The following SPG7 variants were observed in gnomAD, a reference collection of about 807,000 sequenced individuals.
SPG7 encodes the protein SPG7 matrix AAA peptidase subunit, paraplegin, also known as mitochondrial inner membrane m-AAA protease component paraplegin.
Under a neutral mutation model 81.9 loss-of-function variants are expected in SPG7, and 103 were observed. The ratio of observed to expected loss-of-function variants is 1.26; its 90% CI spans 1.07 to 1.48. The LOEUF is 1.48. Ranked by LOEUF, SPG7 falls within the 40% of genes most tolerant of loss-of-function variation. The probability of loss-of-function intolerance (pLI) is 0.00; values close to 1 mark genes in which losing one functional copy is unlikely to be tolerated. For missense variants in SPG7, 1,241 were observed against 1,087.3 expected, an observed-to-expected ratio of 1.14 and a Z score of -1.99; for synonymous variants, 534 against 444.2, an observed-to-expected ratio of 1.20 and a Z score of -2.54.
intron 9 of SPG7, chr16:89,543,304 T>C (rs997886193): frequency 1.3e-5 from 2 of 150,926 alleles, no homozygotes; most frequent in Admixed American, 6.6e-5. Flanking sequence ...AGGTAGGTCT[T>C]GTCGTATCTT....
At chr16:89,531,039 T>C in intron 7 of SPG7, 1 of 633,326 alleles carries the variant, frequency 1.6e-6, no homozygotes, top group East Asian at 2.8e-5. Context: ...CCATGCCTAC[T>C]GTGCCGTTAG....
intron 15 of SPG7, 114 bp downstream of exon 15, chr16:89,554,074 C>T: frequency 8.9e-7 from 1 of 1,128,900 alleles, no homozygotes; most frequent in Non-Finnish European, 1.3e-6. Context: ...CTGCAGGCCC[C>T]ACCTGGGTTT....
In SPG7 at chr16:89,510,526, G is replaced by A. The variant is rs114854791; in HGVS notation, c.220G>A (p.Gly74Arg). Residue 74 changes from glycine to arginine, a missense_variant, in exon 2 of 17, where the codon GGG becomes AGG. By Grantham distance (125) the Gly-to-Arg change is moderately radical. Coordinates refer to ENST00000645818, the MANE Select transcript of SPG7 (RefSeq NM_003119.4). ...QLRLLTPTFE[G>R]INGLLLKQHL... ...GAGACTGCTAACCCCTACCTTTGAAGGGATCAACGGATTGTTGTTGAAACA... is the reference window on the plus strand; with the variant it reads ...GAGACTGCTAACCCCTACCTTTGAAAGGATCAACGGATTGTTGTTGAAACA... The A allele has an allele frequency of 7.6e-5, 122 of 1,607,286 alleles. No homozygotes were observed. Among genetic ancestry groups the A allele is most frequent in the Admixed American group, 7.5e-4 (45 of 59,818 alleles).
intron 3 of SPG7, chr16:89,518,103 A>C (rs1405324863): frequency 6.6e-6 from 1 of 151,980 alleles, no homozygotes; most frequent in Non-Finnish European, 1.5e-5. Context: ...GTTTGTGTGG[A>C]TTTTCAGGAC....
intron 10 of SPG7, chr16:89,545,203 G>C: frequency 3.1e-6 from 1 of 322,008 alleles, no homozygotes; most frequent in African/African-American, 2.2e-5. Context: ...GACGTGGACT[G>C]TGCAGCTGCC....
intron 5 of SPG7, chr16:89,526,703 C>T: frequency 6.2e-6 from 3 of 481,188 alleles, no homozygotes; most frequent in East Asian, 4.3e-5. Flanking sequence ...ATACCAGCAC[C>T]TGAGGATGCC....
At chr16:89,527,479 C>A (rs1159457345) in intron 5 of SPG7, 2 of 152,188 alleles carry the variant, frequency 1.3e-5, no homozygotes, top group Non-Finnish European at 2.9e-5. Flanking sequence ...AGTAAGCGAT[C>A]ACTTTCAGTT....
At chr16:89,508,397 A>T, upstream of SPG7, 4 of 1,470,322 alleles carry the variant, frequency 2.7e-6, no homozygotes, top group Non-Finnish European at 3.6e-6. Context: ...CGGATCACGC[A>T]GGCGCGGCTT....
chr16:89,509,786 C>CTTTT (rs34140158), intron 1 of SPG7, among the ~76,000 whole-genome samples: 85 of 95,114 alleles, frequency 8.9e-4, no homozygotes, highest in Non-Finnish European at 1.1e-3. Flanking sequence ...TTGTTTTCTT[C>CTTTT]TTTTTTTTTT....
chr16:89,509,786 CT>C (rs34140158), intron 1 of SPG7, among the ~76,000 whole-genome samples: 30,108 of 95,410 alleles, frequency 0.32, 3,337 homozygotes, highest in East Asian at 0.53. Context: ...TTGTTTTCTT[CT>C]TTTTTTTTTT....
intron 12 of SPG7, 195 bp downstream of exon 12, chr16:89,548,308 C>G (rs2058591584): frequency 1.8e-6 from 1 of 570,644 alleles, no homozygotes; most frequent in Non-Finnish European, 3.1e-6. Context: ...ACAGATTTAC[C>G]TAAGAGTAGA....
At chr16:89,535,485 C>T (rs2460456) in intron 9 of SPG7, among the ~76,000 whole-genome samples, 72,200 of 152,100 alleles carry the variant, frequency 0.47, 18,007 homozygotes, top group Non-Finnish European at 0.56. Context: ...CCCGTGTCTC[C>T]AGTCGTCTCT....
chr16:89,553,012 G>A lies in SPG7; in HGVS notation c.1813G>A (p.Gly605Ser), dbSNP rs1044298211. Reference protein sequence around the residue: ...SITPRTNAALGFAQMLPRDQH... With the variant: ...SITPRTNAALSFAQMLPRDQH... ...AACCCCTCGGACAAACGCCGCCCTG[G>A]GCTTTGCTCAGATGCTCCCCAGAGA... Residue 605 changes from glycine (G) to serine (S), a missense_variant, in exon 14 of 17, where the codon GGC becomes AGC. Coordinates refer to ENST00000645818, the MANE Select transcript of SPG7 (RefSeq NM_003119.4). The A allele has an allele frequency of 6.2e-7, 1 of 1,613,978 alleles. No individual in the cohort carries two copies. The highest frequency in any genetic ancestry group is 1.1e-5 in the South Asian group (1 of 91,078).
rs748527612 is a variant in SPG7, at chr16:89,523,966, C to A, written c.377-40C>A. On this transcript the variant is annotated intron_variant, in intron 3 of 16. Transcript: ENST00000645818. The stretch of plus-strand genomic sequence containing the variant: ...CTGGATGTCGCCCGTGTCTGTTGCT[C>A]ATGTGTTTGTTTCTCCCTTTTGCTT... The A allele has an allele frequency of 4.4e-6, 7 of 1,607,586 alleles. No individual in the cohort carries two copies. In the East Asian group the frequency reaches 8.9e-5, roughly 20 times the overall value.
intron 6 of SPG7, 50 bp from the exon 7 acceptor site, chr16:89,530,633 C>T: frequency 6.2e-7 from 1 of 1,613,520 alleles, no homozygotes; most frequent in Non-Finnish European, 8.5e-7. Flanking sequence ...CATCGTGCTG[C>T]TGATTTCCTG....
rs1174348582 is a variant in SPG7 at position 89,553,138 on chromosome 16, G to A, written c.1936+3G>A. On this transcript the variant is annotated splice_donor_region_variant and intron_variant, in intron 14 of 16. Coordinates refer to ENST00000645818, the MANE Select transcript of SPG7 (RefSeq NM_003119.4). ...GTCCTTCAACGAGGTCACTTCTGGT[G>A]AGGAGCAGCGGCGCGGGCCCTGGAG... 1.2e-6 allele frequency: 2 copies of A among 1,601,472 alleles called. No homozygotes were observed. Among genetic ancestry groups the A allele is most frequent in the East Asian group, 4.5e-5 (2 of 44,174 alleles).
chr16:89,544,080 C>A (rs576929103), intron 9 of SPG7: 146 of 179,648 alleles, frequency 8.1e-4, no homozygotes, highest in African/African-American at 3.3e-3. Context: ...GTGTTCCCAG[C>A]AGCTTCATAA....
At chr16:89,545,013 G>C (rs948155655) in intron 10 of SPG7, 1 of 573,624 alleles carries the variant, frequency 1.7e-6, no homozygotes, top group African/African-American at 1.9e-5. Flanking sequence ...CTGCCCAATG[G>C]CTGCACTCAC....
At chr16:89,546,087 G>A (rs562209060) in intron 10 of SPG7, 95 of 279,250 alleles carry the variant, frequency 3.4e-4, no homozygotes, top group South Asian at 7.1e-4. Flanking sequence ...TTCCAAGAGC[G>A]TTCTCTTTTT....
Sources: gnomAD v4.1 joint callset for allele counts (sites outside exome capture counted in the v4.1 genomes callset) on GRCh38, gnomAD v4.1.1 for gene constraint, MANE v1.5 for transcripts, NCBI Gene and HGNC (gene_info 2026-07-23, HGNC 2026-07-21) for gene names.